ULK4: variants seen among roughly 807,000 people sequenced by gnomAD.
ULK4 encodes the protein inactive serine/threonine-protein kinase ULK4.
In ULK4, 133 loss-of-function variants were observed where a neutral mutation model predicts 160.6. The observed-to-expected ratio is 0.83, with a 90% CI of 0.72 to 0.96. ULK4 has a LOEUF of 0.96. Among genes scored for constraint, ULK4 ranks in the 40% least tolerant of loss-of-function variants. ULK4 has a pLI of 0.00. For missense variants in ULK4, 1,580 were observed against 1,499.5 expected (o/e 1.05, Z -0.89); for synonymous variants, 534 against 539.8 (o/e 0.99, Z 0.15).
intron 34 of ULK4, among the ~76,000 whole-genome samples, chr3:41,442,145 A>G (rs1231951943): frequency 1.3e-5 from 2 of 152,212 alleles, no homozygotes; most frequent in South Asian, 2.1e-4. Flanking sequence ...AAAAGGCCCC[A>G]AAGTGGACTG....
At position 41,857,519 on chromosome 3, in the gene ULK4, T is replaced by C. The variant is rs537174175; in HGVS notation, c.1657-21548A>G. Among the ~76,000 whole-genome samples the C allele has an allele frequency of 1.0e-3, 153 of 152,256 alleles. 3 individuals carry two copies. The highest frequency in any genetic ancestry group is 1.8e-3 in the Non-Finnish European group (121 of 68,030). On this transcript the variant is annotated intron_variant, in intron 17 of 36. Transcript: ENST00000301831. The stretch of plus-strand genomic sequence containing the variant: ...TATTTATGTATTTATTTTTCTTGAG[T>C]AGTTTGAGTAGGATTGGTATCAGTT...
At chr3:41,593,310 G>T (rs1316147985) in intron 31 of ULK4, among the ~76,000 whole-genome samples, 1 of 152,150 alleles carries the variant, frequency 6.6e-6, no homozygotes, top group African/African-American at 2.4e-5. Context: ...CACTGATCAT[G>T]ATGCGCATCT....
intron 30 of ULK4, among the ~76,000 whole-genome samples, chr3:41,640,403 G>A (rs1333846810): frequency 5.3e-5 from 8 of 151,944 alleles, no homozygotes; most frequent in East Asian, 3.9e-4. Context: ...AAATAATTAC[G>A]GTATTTGAGT....
chr3:41,630,857 C>T (rs1209862336), intron 30 of ULK4, among the ~76,000 whole-genome samples: 2 of 152,186 alleles, frequency 1.3e-5, no homozygotes, highest in Non-Finnish European at 1.5e-5. Flanking sequence ...CTTTGTTTAG[C>T]TTTCCAACAA....
intron 18 of ULK4, among the ~76,000 whole-genome samples, chr3:41,823,163 G>A (rs374882548): frequency 6.6e-6 from 1 of 152,186 alleles, no homozygotes; most frequent in South Asian, 2.1e-4. Flanking sequence ...GACAGGGAAA[G>A]GCTTTCTGAA....
At chr3:41,600,709 A>G (rs1208459719) in intron 31 of ULK4, among the ~76,000 whole-genome samples, 1 of 152,230 alleles carries the variant, frequency 6.6e-6, no homozygotes, top group Non-Finnish European at 1.5e-5. Flanking sequence ...ATACTGGATT[A>G]TAACTGTGGA....
intron 20 of ULK4, among the ~76,000 whole-genome samples, chr3:41,791,730 A>C (rs1403253552): frequency 6.6e-6 from 1 of 152,216 alleles, no homozygotes; most frequent in Admixed American, 6.5e-5. Flanking sequence ...GGAGATTTTT[A>C]AATTAATACT....
At chr3:41,906,216 C>CAAGAAA (rs1698552881) in intron 12 of ULK4, among the ~76,000 whole-genome samples, 1 of 67,114 alleles carries the variant, frequency 1.5e-5, no homozygotes, top group South Asian at 7.4e-4. Context: ...GACTCCGTCT[C>CAAGAAA]AAAAAAAAAA....
intron 35 of ULK4, among the ~76,000 whole-genome samples, chr3:41,321,604 C>T (rs750935192): frequency 2.6e-5 from 4 of 152,014 alleles, no homozygotes; most frequent in South Asian, 2.1e-4. Flanking sequence ...TCAGCCAGAG[C>T]GAGGGAAAGA....
chr3:41,849,078 T>G (rs2125671429), intron 17 of ULK4, among the ~76,000 whole-genome samples: 1 of 152,298 alleles, frequency 6.6e-6, no homozygotes, highest in East Asian at 1.9e-4. Flanking sequence ...GAAAGCAGCC[T>G]GGAGTGCTGA....
At chr3:41,838,223 A>G (rs140895821) in intron 17 of ULK4, among the ~76,000 whole-genome samples, 2 of 152,346 alleles carry the variant, frequency 1.3e-5, no homozygotes, top group African/African-American at 4.8e-5. Context: ...AGGCCAAAAT[A>G]TAGGTAAATA....
At chr3:41,696,237 G>C (rs1381593993) in intron 27 of ULK4, among the ~76,000 whole-genome samples, 1 of 152,210 alleles carries the variant, frequency 6.6e-6, no homozygotes, top group Non-Finnish European at 1.5e-5. Flanking sequence ...TGCTTCAGTG[G>C]TCACGCTCCT....
At chr3:41,735,443 C>G (rs138341629) in intron 22 of ULK4, among the ~76,000 whole-genome samples, 14 of 152,258 alleles carry the variant, frequency 9.2e-5, no homozygotes, top group Non-Finnish European at 1.8e-4. Flanking sequence ...CTGGGTCACC[C>G]TTATTCCCTT....
At chr3:41,749,795 T>C (rs2038552523) in intron 22 of ULK4, among the ~76,000 whole-genome samples, 1 of 152,034 alleles carries the variant, frequency 6.6e-6, no homozygotes, top group African/African-American at 2.4e-5. Context: ...TTAAAACTCA[T>C]TTTCTCTGAC....
chr3:41,890,438 G>C (rs1697880332), intron 16 of ULK4, among the ~76,000 whole-genome samples: 1 of 152,056 alleles, frequency 6.6e-6, no homozygotes, highest in Non-Finnish European at 1.5e-5. Context: ...CCGGCACTTT[G>C]GGAGGCCAAG....
chr3:41,580,550 C>A (rs549961774), intron 31 of ULK4, among the ~76,000 whole-genome samples: 2 of 152,132 alleles, frequency 1.3e-5, no homozygotes, highest in South Asian at 2.1e-4. Flanking sequence ...CTCTGAACCA[C>A]GGCATCCAAA....
intron 22 of ULK4, among the ~76,000 whole-genome samples, chr3:41,750,171 T>A (rs1447342113): frequency 6.6e-6 from 1 of 152,220 alleles, no homozygotes; most frequent in Non-Finnish European, 1.5e-5. Context: ...CCATGGAAAC[T>A]GTCAGTTTAA....
intron 35 of ULK4, chr3:41,250,807 G>C (rs373477152): frequency 6.6e-6 from 1 of 152,148 alleles, no homozygotes; most frequent in Non-Finnish European, 1.5e-5. Flanking sequence ...TTTGCATCTC[G>C]GAAGAGCTGC....
chr3:41,545,616 T>A (rs1242875347), intron 32 of ULK4, among the ~76,000 whole-genome samples: 4 of 152,172 alleles, frequency 2.6e-5, no homozygotes, highest in Admixed American at 6.5e-5. Context: ...TTTGCTTGCT[T>A]TTTAATCTTC....
Sources: gnomAD v4.1 joint callset for allele counts (sites outside exome capture counted in the v4.1 genomes callset) on GRCh38, gnomAD v4.1.1 for gene constraint, MANE v1.5 for transcripts, NCBI Gene and HGNC (gene_info 2026-07-23, HGNC 2026-07-21) for gene names.